The following LRP2 variants were observed in gnomAD, a reference collection of about 807,000 sequenced individuals.
LRP2 encodes LDL receptor related protein 2, also known as low-density lipoprotein receptor-related protein 2.
In LRP2, 172 loss-of-function variants were observed where a neutral mutation model predicts 531.0. The observed-to-expected ratio is 0.32, with a 90% CI of 0.29 to 0.37. The LOEUF is 0.37. LRP2 is among the 10% of genes least tolerant of loss of function. LRP2 has a pLI of 1.00. For synonymous variants in LRP2, 1,992 were observed against 2,027.6 expected (o/e 0.98, Z 0.47); for missense variants, 5,167 against 5,868.3 (o/e 0.88, Z 3.90).
intron 1 of LRP2, among the ~76,000 whole-genome samples, chr2:169,340,679 G>A (rs1361663119): frequency 1.3e-5 from 2 of 152,140 alleles, no homozygotes; most frequent in Non-Finnish European, 2.9e-5. Context: ...GAGGACTGTG[G>A]AGCCTGTGTC....
rs1684842308 is a variant in LRP2 at position 169,319,021 on chromosome 2, A to G, written c.188-137T>C. 2.8e-6 allele frequency: 3 copies of G among 1,081,400 alleles called. No homozygotes were observed. The South Asian group carries it at 4.0e-5, about 15-fold the overall frequency. The allele number at this position is 1,081,400 out of a possible 1,614,324, so 67.0% of individuals were successfully genotyped here. A position where few individuals can be genotyped will look rare whatever the true frequency, so the allele number is the denominator to read the frequency against. On this transcript the variant is annotated intron_variant, in intron 2 of 78. Transcript: ENST00000649046. ...AAGGCAAATAGTAAACAACCCTTAT[A>G]CTAGAGTCTGTGGACGCCAGTCAGA...
At chr2:169,311,594 T>C (rs1241558382) in intron 3 of LRP2, among the ~76,000 whole-genome samples, 1 of 152,202 alleles carries the variant, frequency 6.6e-6, no homozygotes, top group African/African-American at 2.4e-5. Flanking sequence ...TCCTTTTACA[T>C]TTGATGGGGA....
chr2:169,288,271 A>G (rs1683909146), intron 9 of LRP2, among the ~76,000 whole-genome samples: 1 of 152,236 alleles, frequency 6.6e-6, no homozygotes, highest in Non-Finnish European at 1.5e-5. Context: ...TCCCATCATA[A>G]GGCCCCGTCC....
At chr2:169,157,575 C>G in intron 63 of LRP2, 73 bp from the exon 64 acceptor site, 8 of 1,560,556 alleles carry the variant, frequency 5.1e-6, no homozygotes, top group Non-Finnish European at 6.1e-6. Context: ...TCAAAAGAAG[C>G]ACCTACTCGT....
rs374681820 is a variant in LRP2 at position 169,201,518 on chromosome 2, A to T, written c.8452+110T>A. ...AGCCAAAAATTTACGTTTTAGATAA[A>T]TACTTAGGGTTTTTATTTTTGGAAA... is the stretch of plus-strand genomic sequence containing the variant. On this transcript the variant is annotated intron_variant, in intron 44 of 78. Coordinates refer to ENST00000649046, the MANE Select transcript of LRP2 (RefSeq NM_004525.3). The T allele has an allele frequency of 1.1e-5, 16 of 1,465,278 alleles. No homozygotes were observed. The African/African-American group carries it at 1.6e-4, about 14-fold the overall frequency. The allele number at this position is 1,465,278 out of a possible 1,614,324, so 90.8% of individuals were successfully genotyped here. A position where few individuals can be genotyped will look rare whatever the true frequency, so the allele number is the denominator to read the frequency against.
intron 24 of LRP2, among the ~76,000 whole-genome samples, chr2:169,242,576 C>A (rs1211127722): frequency 6.6e-6 from 1 of 152,182 alleles, no homozygotes; most frequent in Non-Finnish European, 1.5e-5. Flanking sequence ...ACCATTTCTA[C>A]ACCATGATAT....
Position 169,294,204 on chromosome 2 carries a change from G to C in LRP2, c.596C>G (p.Ala199Gly), listed in dbSNP as rs747080211. The change falls in exon 6 of 79, where the codon GCT (alanine) becomes GGT (glycine). Residue 199 changes from alanine (A) to glycine (G), a missense_variant. This residue lies in a region of LRP2 where 2,811 missense variants were observed against 3,058.0 expected (regional missense o/e 0.92). Coordinates refer to ENST00000649046, the MANE Select transcript of LRP2 (RefSeq NM_004525.3). Reference sequence around the variant, plus strand: ...ATCATTGTCATGGTCACAGACATAAGCACGAGGGATACACTCTCCATTGCC... The same window carrying C: ...ATCATTGTCATGGTCACAGACATAACCACGAGGGATACACTCTCCATTGCC... ...SCGNGECIPRAYVCDHDNDCQ... is the reference protein window; with the variant it reads ...SCGNGECIPRGYVCDHDNDCQ... The C allele has an allele frequency of 2.5e-6, 4 of 1,613,838 alleles. No individual in the cohort carries two copies. The highest frequency in any genetic ancestry group is 2.5e-6 in the Non-Finnish European group (3 of 1,179,886).
chr2:169,277,012 C>T (rs538091817), intron 13 of LRP2, among the ~76,000 whole-genome samples: 2 of 151,792 alleles, frequency 1.3e-5, no homozygotes, highest in South Asian at 2.1e-4. Flanking sequence ...CTGGGAAACA[C>T]GGTGAAATTT....
At chr2:169,219,693 GAGGA>G (rs1181141672) in intron 34 of LRP2, among the ~76,000 whole-genome samples, 51 of 152,290 alleles carry the variant, frequency 3.3e-4, no homozygotes, top group Non-Finnish European at 1.0e-4. Context: ...CTAGAGAGGG[GAGGA>G]AGGGAGGAGG....
intron 15 of LRP2, 76 bp from the exon 16 acceptor site, chr2:169,271,183 T>C: frequency 1.1e-6 from 1 of 889,948 alleles, no homozygotes; most frequent in Admixed American, 2.1e-5. Flanking sequence ...GATAAATGCA[T>C]CCACAGAGCA....
chr2:169,290,320 A>G lies in LRP2; in HGVS notation c.922+525T>C, dbSNP rs188708787. Among the ~76,000 whole-genome samples the G allele has an allele frequency of 2.4e-3, 306 of 127,988 alleles. 1 individual carries two copies. Among genetic ancestry groups the G allele is most frequent in the Middle Eastern group, 0.01 (2 of 198 alleles). 84.0% of individuals were successfully genotyped at this position (127,988 alleles called of 152,430 possible). On this transcript the variant is annotated intron_variant, in intron 8 of 78. Coordinates refer to ENST00000649046, the MANE Select transcript of LRP2 (RefSeq NM_004525.3). ...GTACAGCCAGACAAGGCCTTTTTCC[A>G]TAAGTATAAGCCAGGTAATAAAATC...
intron 7 of LRP2, 106 bp from the exon 8 acceptor site, chr2:169,291,103 C>A: frequency 1.0e-6 from 1 of 955,320 alleles, no homozygotes. Flanking sequence ...CAAGAGAAAT[C>A]TATAAATGAT....
At position 169,193,825 on chromosome 2, in the gene LRP2, T is replaced by C. The variant is rs1221800442; in HGVS notation, c.8766A>G (p.Glu2922=). Residue 2922 remains glutamate (E), a synonymous_variant, in exon 47 of 79, where the codon GAA becomes GAG. Transcript: ENST00000649046. ...AGTCATTATCACCGTCACAGATCCA[T>C]TCGCTTGGGATGCACCTCCCACCAT... ...KCDGGRCIPS[E]WICDGDNDCG... The C allele has an allele frequency of 1.2e-6, 2 of 1,614,156 alleles. No homozygotes were observed. Among genetic ancestry groups the C allele is most frequent in the East Asian group, 2.2e-5 (1 of 44,882 alleles).
chr2:169,285,329 T>C (rs1284271451), intron 9 of LRP2, among the ~76,000 whole-genome samples: 2 of 152,060 alleles, frequency 1.3e-5, no homozygotes, highest in African/African-American at 4.8e-5. Context: ...ATAAAATTGC[T>C]GTCACTTTTG....
In LRP2 at chr2:169,129,059, C is replaced by T. The variant is rs764511347; in HGVS notation, c.13754G>A (p.Arg4585Gln). ...TQVTKWNLFK[R>Q]KSKQTTNFEN... ...AAAGTTGGTAGTTTGTTTAGATTTT[C>T]GTTTGAAGAGATTCCATTTTGTCAC... is the stretch of plus-strand genomic sequence containing the variant. The change falls in exon 78 of 79, where the codon CGA becomes CAA. Residue 4585 changes from arginine (R) to glutamine (Q), a missense_variant. Arg to Gln is a conservative substitution (Grantham distance 43, BLOSUM62 1). Transcript: ENST00000649046. The T allele has an allele frequency of 4.3e-6, 7 of 1,611,410 alleles. No individual in the cohort carries two copies. Among genetic ancestry groups the T allele is most frequent in the Admixed American group, 1.7e-5 (1 of 59,978 alleles).
In LRP2 at chr2:169,246,890, T is replaced by C. The variant is rs756146359; in HGVS notation, c.3005A>G (p.Tyr1002Cys). ...GTGATTGGAAGCCAGCCTCATTCCA[T>C]AAGGGCACCCACACACTCGCTGGAA... ...PNFQRVCGCP[Y>C]GMRLASNHLT... Residue 1002 changes from tyrosine to cysteine, a missense_variant, in exon 21 of 79, where the codon TAT becomes TGT. Tyr to Cys is a radical substitution (Grantham distance 194, BLOSUM62 -2). Coordinates refer to ENST00000649046, the MANE Select transcript of LRP2 (RefSeq NM_004525.3). The C allele has an allele frequency of 1.2e-6, 2 of 1,614,034 alleles. No individual in the cohort carries two copies. The highest frequency in any genetic ancestry group is 8.5e-7 in the Non-Finnish European group (1 of 1,180,040).
intron 1 of LRP2, among the ~76,000 whole-genome samples, chr2:169,343,731 T>C (rs145423313): frequency 6.6e-6 from 1 of 152,282 alleles, no homozygotes; most frequent in East Asian, 1.9e-4. Context: ...AGGTTAACTA[T>C]GTCCAGGGAA....
intron 71 of LRP2, 82 bp downstream of exon 71, chr2:169,142,592 A>C: frequency 6.3e-7 from 1 of 1,591,946 alleles, no homozygotes; most frequent in Non-Finnish European, 8.6e-7. Context: ...CAAAGGACCC[A>C]GCATACAGGG....
At chr2:169,314,348 C>T (rs536591178) in intron 3 of LRP2, among the ~76,000 whole-genome samples, 2 of 151,722 alleles carry the variant, frequency 1.3e-5, no homozygotes, top group African/African-American at 4.8e-5. Context: ...AAAAACTTCT[C>T]TTTTTATGTA....
Sources: allele counts gnomAD v4.1 joint callset (sites outside exome capture counted in the v4.1 genomes callset), GRCh38; gene constraint gnomAD v4.1.1; regional missense constraint gnomAD v4.1.1; transcripts MANE v1.5; gene names NCBI Gene and HGNC (gene_info 2026-07-23, HGNC 2026-07-21).